The following TIAM1 variants were observed in gnomAD, a reference collection of about 807,000 sequenced individuals.
The protein encoded by TIAM1 is rho guanine nucleotide exchange factor TIAM1.
TIAM1 carries 65 observed loss-of-function variants against 163.5 expected under a neutral mutation model. The ratio of observed to expected loss-of-function variants is 0.40; its 90% CI spans 0.33 to 0.49. The LOEUF (loss-of-function observed/expected upper bound fraction) is 0.49. Among genes scored for constraint, TIAM1 ranks in the 20% least tolerant of loss-of-function variants. TIAM1 has a pLI of 0.77. For synonymous variants in TIAM1, 833 were observed against 810.1 expected (o/e 1.03, Z -0.48); for missense variants, 1,789 against 2,044.7 (o/e 0.87, Z 2.41).
intron 12 of TIAM1, among the ~76,000 whole-genome samples, chr21:31,198,451 T>G (rs2086001595): frequency 6.6e-6 from 1 of 152,210 alleles, no homozygotes; most frequent in African/African-American, 2.4e-5. Flanking sequence ...TGTTATACTT[T>G]AGAAATGTTT....
chr21:31,250,661 G>A (rs951462855), intron 5 of TIAM1, among the ~76,000 whole-genome samples: 1 of 152,178 alleles, frequency 6.6e-6, no homozygotes, highest in Non-Finnish European at 1.5e-5. Context: ...CAATCCTGTT[G>A]ACCTATCTAA....
chr21:31,540,526 C>T (rs2048289005), intron 1 of TIAM1, among the ~76,000 whole-genome samples: 1 of 152,192 alleles, frequency 6.6e-6, no homozygotes, highest in African/African-American at 2.4e-5. Flanking sequence ...ATCGCTTAAG[C>T]CTGGGAGTTT....
At chr21:31,432,571 C>A (rs980314431) in intron 2 of TIAM1, among the ~76,000 whole-genome samples, 4 of 152,186 alleles carry the variant, frequency 2.6e-5, no homozygotes, top group Admixed American at 6.5e-5. Flanking sequence ...TGTGAAAAAG[C>A]CATAGGAATG....
intron 2 of TIAM1, among the ~76,000 whole-genome samples, chr21:31,456,348 G>A (rs955165993): frequency 1.5e-4 from 23 of 152,306 alleles, no homozygotes; most frequent in East Asian, 3.9e-4. Context: ...CATACCTGGC[G>A]GAACCCAGGA....
chr21:31,296,961 C>T (rs559598170), intron 2 of TIAM1, among the ~76,000 whole-genome samples: 1 of 152,256 alleles, frequency 6.6e-6, no homozygotes, highest in South Asian at 2.1e-4. Flanking sequence ...CTGCATCTGG[C>T]CTGGACTGGA....
intron 1 of TIAM1, among the ~76,000 whole-genome samples, chr21:31,529,074 A>AC (rs1326249794): frequency 6.6e-6 from 1 of 151,206 alleles, no homozygotes; most frequent in Admixed American, 6.6e-5. Flanking sequence ...GGCGCCCACC[A>AC]TGCCCAGCTA....
chr21:31,421,997 C>CT (rs2043593218), intron 2 of TIAM1, among the ~76,000 whole-genome samples: 1 of 151,866 alleles, frequency 6.6e-6, no homozygotes, highest in Admixed American at 6.6e-5. Flanking sequence ...TTCCATAGGC[C>CT]TAGATAGGTG....
intron 2 of TIAM1, among the ~76,000 whole-genome samples, chr21:31,445,695 G>T (rs1255252970): frequency 6.6e-6 from 1 of 152,100 alleles, no homozygotes; most frequent in Non-Finnish European, 1.5e-5. Context: ...CCCAATCCTT[G>T]TAAAATTCAA....
intron 2 of TIAM1, among the ~76,000 whole-genome samples, chr21:31,284,476 C>T (rs2146889039): frequency 6.6e-6 from 1 of 152,164 alleles, no homozygotes; most frequent in South Asian, 2.1e-4. Flanking sequence ...AAACAGAGCT[C>T]CTCTTTCACT....
At chr21:31,383,606 C>G (rs2076816603) in intron 2 of TIAM1, among the ~76,000 whole-genome samples, 1 of 152,204 alleles carries the variant, frequency 6.6e-6, no homozygotes, top group Non-Finnish European at 1.5e-5. Flanking sequence ...TTCAGGCTGT[C>G]ATTTCCACGG....
intron 7 of TIAM1, 144 bp downstream of exon 7, chr21:31,225,582 C>G (rs2087903318): frequency 3.1e-6 from 2 of 649,722 alleles, no homozygotes. Flanking sequence ...CTGACAGTCA[C>G]AGTAAAGAAC....
chr21:31,382,247 C>A (rs77810691), intron 2 of TIAM1, among the ~76,000 whole-genome samples: 1 of 152,160 alleles, frequency 6.6e-6, no homozygotes, highest in South Asian at 2.1e-4. Context: ...CGCTTATCAG[C>A]GCACTGTATA....
chr21:31,413,236 G>A (rs575296064), intron 2 of TIAM1, among the ~76,000 whole-genome samples: 102 of 142,178 alleles, frequency 7.2e-4, no homozygotes, highest in Non-Finnish European at 1.3e-3. Flanking sequence ...CTCTTTCTGC[G>A]TATTTCTTTT....
intron 1 of TIAM1, among the ~76,000 whole-genome samples, chr21:31,499,413 T>C (rs1190207683): frequency 6.6e-6 from 1 of 150,964 alleles, no homozygotes; most frequent in Admixed American, 6.6e-5. Flanking sequence ...TACCAAAAAT[T>C]AGCCAGGCAT....
At chr21:31,223,355 G>T in intron 8 of TIAM1, 51 bp downstream of exon 8, 2 of 1,538,498 alleles carry the variant, frequency 1.3e-6, no homozygotes, top group East Asian at 2.3e-5. Context: ...TCCTGCTCAG[G>T]ATTAAGCGTC....
intron 2 of TIAM1, among the ~76,000 whole-genome samples, chr21:31,314,090 AG>A (rs1300744925): frequency 6.6e-6 from 1 of 152,212 alleles, no homozygotes; most frequent in Non-Finnish European, 1.5e-5. Context: ...TACATATAAA[AG>A]CTCATTCAGT....
At chr21:31,554,708 C>T (rs932470991) in intron 1 of TIAM1, among the ~76,000 whole-genome samples, 1 of 151,908 alleles carries the variant, frequency 6.6e-6, no homozygotes, top group Non-Finnish European at 1.5e-5. Context: ...TGCGTAGTAC[C>T]CCCACCCCCT....
chr21:31,537,868 T>C (rs554691377), intron 1 of TIAM1, among the ~76,000 whole-genome samples: 2 of 152,306 alleles, frequency 1.3e-5, no homozygotes, highest in Admixed American at 6.5e-5. Context: ...TATAATCTTT[T>C]TAATCTTGAA....
In TIAM1 at chr21:31,299,393, G is replaced by A. The variant is rs78001428; in HGVS notation, c.-188-22485C>T. On this transcript the variant is annotated intron_variant, in intron 2 of 27. Coordinates refer to ENST00000541036, the MANE Select transcript of TIAM1 (RefSeq NM_001353694.2). ...TGCTGACACTGGCCCAGGCTTCAGT[G>A]GAGAAAACACTAAACCTATCAACTG... Among the ~76,000 whole-genome samples, 107 of 152,280 alleles carry A rather than the reference G, an allele frequency of 7.0e-4. No homozygotes were observed. In the East Asian group the frequency reaches 0.014, roughly 19 times the overall value.
Sources: allele counts gnomAD v4.1 joint callset (sites outside exome capture counted in the v4.1 genomes callset), GRCh38; gene constraint gnomAD v4.1.1; transcripts MANE v1.5; gene names NCBI Gene and HGNC (gene_info 2026-07-23, HGNC 2026-07-21).